CSMD1: variants seen among roughly 807,000 people sequenced by gnomAD.
CSMD1 encodes CUB and sushi domain-containing protein 1.
A neutral mutation model predicts 417.5 loss-of-function variants in CSMD1; 213 were observed. The ratio of observed to expected loss-of-function variants is 0.51; its 90% CI spans 0.46 to 0.57. The LOEUF is 0.57. Among genes scored for constraint, CSMD1 ranks in the 20% least tolerant of loss-of-function variants. The pLI is 0.00. For missense variants in CSMD1, 6,923 were observed against 4,529.7 expected (o/e 1.53, Z -15.17); for synonymous variants, 2,862 against 1,736.8 (o/e 1.65, Z -16.11).
chr8:4,682,852 A>G (rs919216807), intron 1 of CSMD1, among the ~76,000 whole-genome samples: 1 of 150,588 alleles, frequency 6.6e-6, no homozygotes, highest in Non-Finnish European at 1.5e-5. Context: ...TTTTTATCCA[A>G]AGACTACTAA....
intron 6 of CSMD1, among the ~76,000 whole-genome samples, chr8:3,717,115 A>T (rs1801884215): frequency 6.6e-6 from 1 of 152,174 alleles, no homozygotes; most frequent in Non-Finnish European, 1.5e-5. Context: ...TGCTTCAGAA[A>T]TTATAGCCCT....
intron 1 of CSMD1, among the ~76,000 whole-genome samples, chr8:4,838,656 G>A (rs529208357): frequency 1.8e-4 from 27 of 152,312 alleles, no homozygotes; most frequent in Admixed American, 1.2e-3. Flanking sequence ...TTGCAGACGC[G>A]GAGGTGGGAT....
At chr8:4,766,681 G>C (rs1285809026) in intron 1 of CSMD1, among the ~76,000 whole-genome samples, 1 of 152,222 alleles carries the variant, frequency 6.6e-6, no homozygotes, top group African/African-American at 2.4e-5. Flanking sequence ...GGTGGCTCCT[G>C]AGGGAATGAA....
intron 41 of CSMD1, among the ~76,000 whole-genome samples, chr8:3,138,655 G>C (rs1818253680): frequency 6.6e-6 from 1 of 152,196 alleles, no homozygotes; most frequent in African/African-American, 2.4e-5. Flanking sequence ...AGTGGGAGTG[G>C]AGATGGAAAG....
chr8:3,291,766 C>T (rs117829237), intron 25 of CSMD1, among the ~76,000 whole-genome samples: 2,582 of 151,666 alleles, frequency 0.017, 32 homozygotes, highest in Non-Finnish European at 0.026. Flanking sequence ...GTTGATCTGT[C>T]CAAAAAGTCA....
intron 1 of CSMD1, among the ~76,000 whole-genome samples, chr8:4,990,290 A>G (rs1450565888): frequency 1.3e-5 from 2 of 152,194 alleles, no homozygotes; most frequent in African/African-American, 4.8e-5. Context: ...ATTAGTAATA[A>G]TATCCTGATA....
At chr8:3,383,809 G>A (rs1019912045) in intron 18 of CSMD1, among the ~76,000 whole-genome samples, 1 of 152,088 alleles carries the variant, frequency 6.6e-6, no homozygotes, top group African/African-American at 2.4e-5. Flanking sequence ...ATACAAAAAT[G>A]TGCTCAGAAC....
Position 3,489,891 on chromosome 8 carries a change from T to A in CSMD1, c.1448+3732A>T, listed in dbSNP as rs112236377. Among the ~76,000 whole-genome samples, 19 of 152,326 alleles carry A rather than the reference T, an allele frequency of 1.2e-4. 1 individual carries two copies. Among genetic ancestry groups the A allele is most frequent in the African/African-American group, 3.4e-4 (14 of 41,576 alleles). The stretch of plus-strand genomic sequence containing the variant: ...TGAAGTAGTGAATGCCAGTCTGCCA[T>A]GAAGAGGTTTTAAACTGCTGCTTTA... On this transcript the variant is annotated intron_variant, in intron 11 of 69. Coordinates refer to ENST00000635120, the MANE Select transcript of CSMD1 (RefSeq NM_033225.6).
At chr8:3,913,263 T>C (rs546953293) in intron 5 of CSMD1, among the ~76,000 whole-genome samples, 10 of 152,210 alleles carry the variant, frequency 6.6e-5, no homozygotes, top group African/African-American at 2.4e-4. Flanking sequence ...AGAATGACAA[T>C]GGAAGCCATG....
At chr8:4,586,262 C>T (rs933973222) in intron 2 of CSMD1, among the ~76,000 whole-genome samples, 1 of 152,184 alleles carries the variant, frequency 6.6e-6, no homozygotes, top group Non-Finnish European at 1.5e-5. Context: ...CTTATTCATT[C>T]TGACTGTATT....
At chr8:4,861,616 A>G (rs1397714983) in intron 1 of CSMD1, among the ~76,000 whole-genome samples, 2 of 152,164 alleles carry the variant, frequency 1.3e-5, no homozygotes, top group East Asian at 3.8e-4. Flanking sequence ...GCTGTGGATA[A>G]TTAAAATTTG....
At chr8:2,983,075 A>C (rs970186764) in intron 54 of CSMD1, among the ~76,000 whole-genome samples, 1 of 152,192 alleles carries the variant, frequency 6.6e-6, no homozygotes, top group African/African-American at 2.4e-5. Flanking sequence ...GAACACTTCA[A>C]CTGTTTTTTA....
chr8:4,599,621 A>G (rs1201917049), intron 2 of CSMD1, among the ~76,000 whole-genome samples: 2 of 152,116 alleles, frequency 1.3e-5, no homozygotes, highest in Non-Finnish European at 2.9e-5. Context: ...ACTTCTGTCC[A>G]TCTCATTTAA....
rs184100586 is a variant in CSMD1, at chr8:4,092,833, A to C, written c.416-60734T>G. ...AATATTTTTAATTTGTTTTGATCAA[A>C]GCACTTTGCTGGTTGAATAATCATT... On this transcript the variant is annotated intron_variant, in intron 3 of 69. Transcript: ENST00000635120. Among the ~76,000 whole-genome samples, 6 of 152,258 alleles carry C rather than the reference A, an allele frequency of 3.9e-5. No individual in the cohort carries two copies. The East Asian group carries it at 1.2e-3, about 29-fold the overall frequency.
chr8:3,097,647 A>C (rs1309524904), intron 46 of CSMD1, among the ~76,000 whole-genome samples: 1 of 152,194 alleles, frequency 6.6e-6, no homozygotes, highest in Admixed American at 6.5e-5. Context: ...CAGGCTATTC[A>C]GAACAGTGCA....
At position 3,338,789 on chromosome 8, in the gene CSMD1, C is replaced by G. The variant is rs1585021367; in HGVS notation, c.3631+4505G>C. The stretch of plus-strand genomic sequence containing the variant: ...TTGTGGCAGCTCTATCATGCAGATC[C>G]AGCTGTTCATCTCCAGCCTTTCTTT... On this transcript the variant is annotated intron_variant, in intron 23 of 69. Transcript: ENST00000635120. Among the ~76,000 whole-genome samples, 6 of 151,602 alleles carry G rather than the reference C, an allele frequency of 4.0e-5. No homozygotes were observed. In the South Asian group the frequency reaches 1.3e-3, roughly 32 times the overall value.
At chr8:4,606,650 C>T (rs142470978) in intron 2 of CSMD1, among the ~76,000 whole-genome samples, 10 of 152,212 alleles carry the variant, frequency 6.6e-5, no homozygotes, top group African/African-American at 1.9e-4. Context: ...TTGCAGTCAA[C>T]CATGATGTGT....
chr8:3,173,232 T>C (rs1324330987), intron 37 of CSMD1, among the ~76,000 whole-genome samples: 1 of 152,214 alleles, frequency 6.6e-6, no homozygotes, highest in East Asian at 1.9e-4. Context: ...TAGTTTTTTG[T>C]GTTACACTCA....
chr8:3,776,367 T>C (rs998202692), intron 5 of CSMD1, among the ~76,000 whole-genome samples: 1 of 152,190 alleles, frequency 6.6e-6, no homozygotes, highest in Non-Finnish European at 1.5e-5. Context: ...CCTGTCTCAC[T>C]GAGAGTAAAG....
Sources: gnomAD v4.1 joint callset for allele counts (sites outside exome capture counted in the v4.1 genomes callset) on GRCh38, gnomAD v4.1.1 for gene constraint, MANE v1.5 for transcripts, NCBI Gene and HGNC (gene_info 2026-07-23, HGNC 2026-07-21) for gene names.